Variants in GINM1 observed in about 807,000 individuals in gnomAD.
GINM1 encodes glycoprotein integral membrane protein 1.
Under a neutral mutation model 37.8 loss-of-function variants are expected in GINM1, and 29 were observed. That is an observed-to-expected ratio of 0.77 (90% CI 0.57 to 1.05). The LOEUF (loss-of-function observed/expected upper bound fraction) is 1.05, where lower values mean the gene tolerates loss of function less well. Among genes scored for constraint, GINM1 ranks in the 50% least tolerant of loss-of-function variants. The pLI is 0.00. For synonymous variants in GINM1, 143 were observed against 146.2 expected (o/e 0.98, Z 0.16); for missense variants, 377 against 397.9 (o/e 0.95, Z 0.45).
chr6:149,585,299 T>C (rs1778053395), intron 7 of GINM1, among the ~76,000 whole-genome samples: 1 of 152,194 alleles, frequency 6.6e-6, no homozygotes, highest in Non-Finnish European at 1.5e-5. Flanking sequence ...TAGAGAGCAA[T>C]GAACTGAAAG....
chr6:149,567,392 A>T (rs1178440684), intron 1 of GINM1, among the ~76,000 whole-genome samples: 1 of 152,174 alleles, frequency 6.6e-6, no homozygotes, highest in Non-Finnish European at 1.5e-5. Context: ...CTTCCTAGTC[A>T]AGACTTGAAT....
At chr6:149,572,707 G>A in intron 3 of GINM1, 104 bp downstream of exon 3, 1 of 747,472 alleles carries the variant, frequency 1.3e-6, no homozygotes, top group South Asian at 1.5e-5. Flanking sequence ...TGTCACCCAG[G>A]CTGGAGTGCA....
At chr6:149,586,537 A>C (rs1280358206) in intron 7 of GINM1, among the ~76,000 whole-genome samples, 3 of 152,180 alleles carry the variant, frequency 2.0e-5, no homozygotes, top group Non-Finnish European at 4.4e-5. Context: ...ACTTCATTGA[A>C]TGTTTTGCAA....
chr6:149,572,238 A>G, intron 1 of GINM1, 47 bp from the exon 2 acceptor site: 4 of 1,142,040 alleles, frequency 3.5e-6, no homozygotes, highest in South Asian at 2.7e-5. Context: ...GTTGTTCTCA[A>G]TCTGTGAGAT....
intron 6 of GINM1, 75 bp from the exon 7 acceptor site, chr6:149,582,365 A>C: frequency 7.8e-7 from 1 of 1,282,860 alleles, no homozygotes; most frequent in South Asian, 1.3e-5. Context: ...TCCCAAAGCT[A>C]AAACATTAAA....
intron 7 of GINM1, among the ~76,000 whole-genome samples, chr6:149,586,611 ATAT>A (rs1389873482): frequency 1.1e-4 from 16 of 152,258 alleles, no homozygotes; most frequent in African/African-American, 3.9e-4. Flanking sequence ...TTGAAAATTT[ATAT>A]TATTCTGTGG....
At chr6:149,568,900 C>T (rs1671159028) in intron 1 of GINM1, among the ~76,000 whole-genome samples, 1 of 152,126 alleles carries the variant, frequency 6.6e-6, no homozygotes, top group African/African-American at 2.4e-5. Context: ...GGCATGATCT[C>T]GGCTCACTGC....
At chr6:149,570,176 ATATATATATATATATATAT>A (rs1777794130) in intron 1 of GINM1, among the ~76,000 whole-genome samples, 3 of 91,688 alleles carry the variant, frequency 3.3e-5, no homozygotes, top group Admixed American at 1.2e-4. Context: ...ATATATATAT[ATATATATATATATATATAT>A]ATAAAGTTCA....
rs1000417578 is a variant in GINM1 at position 149,579,955 on chromosome 6, A to T, written c.551A>T (p.Asp184Val). 6 of 1,609,566 alleles carry T rather than the reference A, an allele frequency of 3.7e-6. No individual in the cohort carries two copies. The highest frequency in any genetic ancestry group is 5.1e-6 in the Non-Finnish European group (6 of 1,177,170). The change falls in exon 5 of 8, where the codon GAC becomes GTC. Residue 184 changes from aspartate (D) to valine (V), a missense_variant. By Grantham distance (152) the Asp-to-Val change is radical (BLOSUM62 -3). Coordinates refer to ENST00000367419, the MANE Select transcript of GINM1 (RefSeq NM_138785.5). ...CTCTACTCTATTTCTCGAGACAGTG[A>T]CATTTTATTTACCCTTCCTAACCTC... ...SMLYSISRDS[D>V]ILFTLPNLSK...
intron 7 of GINM1, among the ~76,000 whole-genome samples, chr6:149,589,643 G>T (rs1778123868): frequency 6.6e-6 from 1 of 152,284 alleles, no homozygotes; most frequent in South Asian, 2.1e-4. Context: ...TTCCCAGACA[G>T]AGGCCATTTT....
rs1246131686 is a variant in GINM1 at position 149,566,379 on chromosome 6, C to T, written c.-36C>T. ...CCGCGGGCCGGCTCCGCCCTCACCT[C>T]CCGGCCGCGGCTGCCCTCTGCCCGG... On this transcript the variant is annotated 5_prime_UTR_variant, in exon 1 of 8. Coordinates refer to ENST00000367419, the MANE Select transcript of GINM1 (RefSeq NM_138785.5). This position sits in a 1 kb window ranked among gnomAD's most constrained non-coding sequence, Gnocchi z 4.4. 3.4e-6 allele frequency: 5 copies of T among 1,492,164 alleles called. No individual in the cohort carries two copies. Among genetic ancestry groups the T allele is most frequent in the Non-Finnish European group, 3.5e-6 (4 of 1,129,126 alleles). The allele number at this position is 1,492,164 out of a possible 1,614,324, so 92.4% of individuals were successfully genotyped here. A position where few individuals can be genotyped will look rare whatever the true frequency, so the allele number is the denominator to read the frequency against.
rs1453691006 is a variant in GINM1 at position 149,580,008 on chromosome 6, T to G, written c.586+18T>G. Reference sequence around the variant, plus strand: ...CAAAAAAGGTAACTTAAAAGACCATTATTTAAAGTATTAAGGAGATTATTT... The same window carrying G: ...CAAAAAAGGTAACTTAAAAGACCATGATTTAAAGTATTAAGGAGATTATTT... On this transcript the variant is annotated intron_variant, in intron 5 of 7. Coordinates refer to ENST00000367419, the MANE Select transcript of GINM1 (RefSeq NM_138785.5). 2.7e-6 allele frequency: 4 copies of G among 1,466,228 alleles called. No homozygotes were observed. The African/African-American group carries it at 5.7e-5, about 21-fold the overall frequency. 90.8% of individuals were successfully genotyped at this position (1,466,228 alleles called of 1,614,324 possible).
intron 6 of GINM1, among the ~76,000 whole-genome samples, chr6:149,581,135 C>T (rs975153900): frequency 6.6e-6 from 1 of 152,102 alleles, no homozygotes; most frequent in Non-Finnish European, 1.5e-5. Flanking sequence ...CCTGGTTCTG[C>T]CGCTGACTAG....
rs1053061912 is a variant in GINM1 at position 149,584,834 on chromosome 6, G to T, written c.881+2231G>T. On this transcript the variant is annotated intron_variant, in intron 7 of 7. Transcript: ENST00000367419. ...ATAAATGTATATATATATAGAGAGA[G>T]AGAGAGAGAGACACGGGGATCTTGC... is the stretch of plus-strand genomic sequence containing the variant. Among the ~76,000 whole-genome samples the T allele has an allele frequency of 1.8e-3, 276 of 150,972 alleles. 1 individual carries two copies. The highest frequency in any genetic ancestry group is 3.5e-3 in the Middle Eastern group (1 of 284).
intron 5 of GINM1, 55 bp downstream of exon 5, chr6:149,580,045 A>T: frequency 2.7e-6 from 3 of 1,113,088 alleles, no homozygotes; most frequent in Non-Finnish European, 3.8e-6. Context: ...TTTAGTTGGT[A>T]GCTTTATATA....
chr6:149,568,911 A>G (rs535104331), intron 1 of GINM1, among the ~76,000 whole-genome samples: 1 of 152,136 alleles, frequency 6.6e-6, no homozygotes, highest in Non-Finnish European at 1.5e-5. Context: ...GGCTCACTGC[A>G]GCCTCTGCCT....
Position 149,566,737 on chromosome 6 carries a change from C to A in GINM1, c.120+203C>A, listed in dbSNP as rs1562268878. On this transcript the variant is annotated intron_variant, in intron 1 of 7. Transcript: ENST00000367419. This position sits in a 1 kb window ranked among gnomAD's most constrained non-coding sequence, Gnocchi z 4.4. ...AGAGGAAAGGGACCCACTGGGGCTG[C>A]GTCGCTGTGAGTGAGCCTCGAGCCA... Among the ~76,000 whole-genome samples the A allele has an allele frequency of 6.6e-6, 1 of 152,172 alleles. No individual in the cohort carries two copies. Among genetic ancestry groups the A allele is most frequent in the Admixed American group, 6.5e-5 (1 of 15,288 alleles).
intron 3 of GINM1, chr6:149,576,039 A>G (rs1777909611): frequency 6.6e-6 from 1 of 152,196 alleles, no homozygotes; most frequent in Non-Finnish European, 1.5e-5. Flanking sequence ...TAACAGTTTA[A>G]CCCAGAAATC....
intron 1 of GINM1, among the ~76,000 whole-genome samples, chr6:149,570,136 TTATATATATATATATATATATATA>T (rs549791771): frequency 0.011 from 489 of 45,814 alleles, 8 homozygotes; most frequent in South Asian, 0.018. Context: ...TAGGTAGGTT[TTATATATATATATATATATATATA>T]TATATATATA....
Sources: gnomAD v4.1 joint callset for allele counts (sites outside exome capture counted in the v4.1 genomes callset) on GRCh38, gnomAD v4.1.1 for gene constraint, Gnocchi (gnomAD v3.1) non-coding constraint, MANE v1.5 for transcripts, NCBI Gene and HGNC (gene_info 2026-07-23, HGNC 2026-07-21) for gene names.